The following APOLD1 variants were observed in gnomAD, a reference collection of about 807,000 sequenced individuals.
APOLD1 encodes the protein apolipoprotein L domain-containing protein 1.
In APOLD1, 22 loss-of-function variants were observed where a neutral mutation model predicts 15.3. That is an observed-to-expected ratio of 1.44 (90% confidence interval 1.03 to 2.05). The LOEUF is 2.05. APOLD1 is among the 30% of genes most tolerant of loss of function. The pLI, the probability that APOLD1 is intolerant of heterozygous loss-of-function variation, is 0.00. For synonymous variants in APOLD1, 190 were observed against 167.4 expected (o/e 1.13, Z -1.04); for missense variants, 394 against 353.5 (o/e 1.11, Z -0.92).
chr12:12,755,569 G>C (rs1946851372), intron 1 of APOLD1, among the ~76,000 whole-genome samples: 1 of 152,208 alleles, frequency 6.6e-6, no homozygotes, highest in African/African-American at 2.4e-5. Flanking sequence ...AGCTGGGCGT[G>C]GTGGCTCACC....
At chr12:12,733,585 A>G (rs1007505179) in intron 1 of APOLD1, among the ~76,000 whole-genome samples, 6 of 152,170 alleles carry the variant, frequency 3.9e-5, no homozygotes, top group African/African-American at 1.4e-4. Context: ...CAAGGAAAAA[A>G]CCATGAAGGT....
chr12:12,728,412 T>C (rs557789222), intron 1 of APOLD1, among the ~76,000 whole-genome samples: 1 of 152,148 alleles, frequency 6.6e-6, no homozygotes, highest in Non-Finnish European at 1.5e-5. Flanking sequence ...ACACCTGTAA[T>C]CCGCACACTT....
At chr12:12,740,560 A>G (rs888305175) in intron 1 of APOLD1, among the ~76,000 whole-genome samples, 1 of 152,238 alleles carries the variant, frequency 6.6e-6, no homozygotes, top group Non-Finnish European at 1.5e-5. Flanking sequence ...CTTCTGAACT[A>G]GGTGAACCTA....
intron 1 of APOLD1, among the ~76,000 whole-genome samples, chr12:12,745,835 CA>C: frequency 6.6e-6 from 1 of 152,202 alleles, no homozygotes; most frequent in African/African-American, 2.4e-5. Context: ...TTGCCTACAG[CA>C]GATCTTTCAG....
chr12:12,745,828 C>T (rs1565428571), intron 1 of APOLD1, among the ~76,000 whole-genome samples: 1 of 152,042 alleles, frequency 6.6e-6, no homozygotes, highest in Non-Finnish European at 1.5e-5. Flanking sequence ...AGTGGTCTTG[C>T]CTACAGCAGA....
At position 12,756,978 on chromosome 12, in the gene APOLD1, G is replaced by C. The variant is rs569120811; in HGVS notation, c.97-29931G>C. On this transcript the variant is annotated intron_variant, in intron 1 of 1. Coordinates refer to the APOLD1 transcript ENST00000326765. The stretch of plus-strand genomic sequence containing the variant: ...ATTTTTGTATTTTTAGTAGAGACAG[G>C]GTTTTGCCATTTTGGCCAGGCTAGT... Among the ~76,000 whole-genome samples, 3 of 152,162 alleles carry C rather than the reference G, an allele frequency of 2.0e-5. No individual in the cohort carries two copies. The South Asian group carries it at 6.2e-4, about 32-fold the overall frequency.
At chr12:12,786,001 G>A (rs1947121132) in intron 1 of APOLD1, among the ~76,000 whole-genome samples, 1 of 152,124 alleles carries the variant, frequency 6.6e-6, no homozygotes, top group Non-Finnish European at 1.5e-5. Flanking sequence ...AGAGTACAGT[G>A]GACATGAAGG....
At chr12:12,726,156 CAAAAA>C (rs745785485) in intron 1 of APOLD1, 1,186 of 113,188 alleles carry the variant, frequency 0.01, 2 homozygotes, top group East Asian at 0.033. Context: ...TCTTCGCAAC[CAAAAA>C]AAAAAAAAAA....
intron 1 of APOLD1, among the ~76,000 whole-genome samples, chr12:12,740,365 C>T (rs1213574994): frequency 2.0e-5 from 3 of 152,220 alleles, no homozygotes; most frequent in African/African-American, 7.2e-5. Context: ...GATCTGCTGG[C>T]CTTGGCCTCC....
intron 1 of APOLD1, among the ~76,000 whole-genome samples, chr12:12,769,526 G>A (rs1026835529): frequency 2.0e-5 from 3 of 151,958 alleles, no homozygotes; most frequent in African/African-American, 7.3e-5. Context: ...CACTTTTGTA[G>A]TTTTACCTCC....
intron 1 of APOLD1, among the ~76,000 whole-genome samples, chr12:12,771,983 A>C (rs1946991535): frequency 6.6e-6 from 1 of 152,186 alleles, no homozygotes; most frequent in South Asian, 2.1e-4. Context: ...AAAGAAGCAT[A>C]ACTGATATGC....
chr12:12,733,079 C>T (rs180871206), intron 1 of APOLD1, among the ~76,000 whole-genome samples: 5 of 150,858 alleles, frequency 3.3e-5, no homozygotes, highest in South Asian at 4.2e-4. Flanking sequence ...TTTGGGAGAC[C>T]GAGAGAGGCA....
At chr12:12,742,018 G>A (rs1946732152) in intron 1 of APOLD1, among the ~76,000 whole-genome samples, 1 of 152,060 alleles carries the variant, frequency 6.6e-6, no homozygotes, top group Non-Finnish European at 1.5e-5. Flanking sequence ...AAGACCATAT[G>A]GTAATTAAAT....
chr12:12,746,754 G>A (rs894664773), intron 1 of APOLD1, among the ~76,000 whole-genome samples: 5 of 152,118 alleles, frequency 3.3e-5, no homozygotes, highest in Admixed American at 6.6e-5. Context: ...AGTGAACGTA[G>A]TACCTGATAG....
At chr12:12,783,507 C>T (rs58386137), upstream of APOLD1, among the ~76,000 whole-genome samples, 31,470 of 151,462 alleles carry the variant, frequency 0.21, 3,406 homozygotes, top group South Asian at 0.29. Flanking sequence ...GAGACGGGGT[C>T]TTACCATGTT....
At chr12:12,773,012 G>A (rs940548009) in intron 1 of APOLD1, among the ~76,000 whole-genome samples, 1 of 152,066 alleles carries the variant, frequency 6.6e-6, no homozygotes, top group East Asian at 1.9e-4. Context: ...CCAGGAGTTC[G>A]AGGTTATAGT....
chr12:12,726,156 C>A (rs144224889), intron 1 of APOLD1: 309 of 113,612 alleles, frequency 2.7e-3, no homozygotes, highest in Non-Finnish European at 3.5e-3. Context: ...TCTTCGCAAC[C>A]AAAAAAAAAA....
rs1235688149 is a variant in APOLD1, at chr12:12,757,323, G to A, written c.97-29586G>A. Among the ~76,000 whole-genome samples, 4 of 151,974 alleles carry A rather than the reference G, an allele frequency of 2.6e-5. 1 individual carries two copies. The highest frequency in any genetic ancestry group is 4.2e-4 in the South Asian group (2 of 4,814). On this transcript the variant is annotated intron_variant, in intron 1 of 1. Coordinates refer to the APOLD1 transcript ENST00000326765. ...CCACAGACCTGCCTCTGGGGGTATCGGCCCACTGAACCACAACAGACCACC... is the reference window on the plus strand; with the variant it reads ...CCACAGACCTGCCTCTGGGGGTATCAGCCCACTGAACCACAACAGACCACC...
In APOLD1 at chr12:12,787,159, T is replaced by G; in HGVS notation, c.254T>G (p.Leu85Arg). Residue 85 changes from leucine to arginine, a missense_variant, in exon 2 of 2, where the codon CTG (leucine) becomes CGG (arginine). By Grantham distance (102) the Leu-to-Arg change is moderately radical. Coordinates refer to ENST00000356591, the MANE Select transcript of APOLD1 (RefSeq NM_030817.3). The surrounding 1 kb of genome is among the most constrained non-coding windows in gnomAD (Gnocchi z 4.9). ...SLSPVTLGTS[L>R]LVSAVGLGVA... ...AGCCCGGTCACCCTGGGGACCTCGC[T>G]GCTGGTGTCGGCCGTGGGGCTGGGG... The G allele has an allele frequency of 6.6e-7, 1 of 1,520,100 alleles. No individual in the cohort carries two copies. The highest frequency in any genetic ancestry group is 8.7e-7 in the Non-Finnish European group (1 of 1,144,562). 94.2% of individuals were successfully genotyped at this position (1,520,100 alleles called of 1,614,324 possible).
Sources: gnomAD v4.1 joint callset for allele counts (sites outside exome capture counted in the v4.1 genomes callset) on GRCh38, gnomAD v4.1.1 for gene constraint, Gnocchi (gnomAD v3.1) non-coding constraint, MANE v1.5 for transcripts, NCBI Gene and HGNC (gene_info 2026-07-23, HGNC 2026-07-21) for gene names.